PARVB: variants seen among roughly 807,000 people sequenced by gnomAD.
The protein encoded by PARVB is parvin beta, also known as beta-parvin.
In PARVB, 46 loss-of-function variants were observed where a neutral mutation model predicts 47.0. The ratio of observed to expected loss-of-function variants is 0.98; its 90% CI spans 0.77 to 1.25. The LOEUF is 1.25. PARVB is among the 50% of genes most tolerant of loss of function. The probability of loss-of-function intolerance (pLI) is 0.00; values close to 1 mark genes in which losing one functional copy is unlikely to be tolerated. For synonymous variants in PARVB, 196 were observed against 196.3 expected (o/e 1.00, Z 0.01); for missense variants, 473 against 471.6 (o/e 1.00, Z -0.03).
intron 1 of PARVB, among the ~76,000 whole-genome samples, chr22:44,082,114 T>C (rs2051915651): frequency 6.6e-6 from 1 of 152,126 alleles, no homozygotes; most frequent in Non-Finnish European, 1.5e-5. Context: ...TAGCTCTTTT[T>C]TGGGGCGGGG....
At chr22:44,106,154 T>G (rs1210202639) in intron 3 of PARVB, 3 of 148,428 alleles carry the variant, frequency 2.0e-5, no homozygotes, top group South Asian at 2.2e-4. Flanking sequence ...TTTTTTTTTT[T>G]TTTTTTTTTT....
chr22:44,168,303 G>A (rs574974344), intron 12 of PARVB: 3 of 331,382 alleles, frequency 9.1e-6, no homozygotes, highest in Admixed American at 4.5e-5. Flanking sequence ...TCCCCCAACC[G>A]GTTCTTAGAC....
intron 1 of PARVB, among the ~76,000 whole-genome samples, chr22:44,039,504 C>G (rs1480477039): frequency 1.3e-5 from 2 of 151,170 alleles, no homozygotes; most frequent in Non-Finnish European, 1.5e-5. Flanking sequence ...TATCGTGCCA[C>G]TGCACTCCAG....
At chr22:44,051,989 G>A (rs964878177) in intron 1 of PARVB, among the ~76,000 whole-genome samples, 3 of 152,142 alleles carry the variant, frequency 2.0e-5, no homozygotes, top group East Asian at 1.9e-4. Flanking sequence ...AGGCCAGGAC[G>A]GATCCTCGCC....
At chr22:43,999,475 T>C (rs1272791089) in intron 1 of PARVB, 1 of 1,560,928 alleles carries the variant, frequency 6.4e-7, no homozygotes, top group Non-Finnish European at 8.8e-7. Context: ...AGTCCAAATT[T>C]CTAGCTTCTC....
chr22:44,062,104 G>T (rs1035834216), intron 1 of PARVB, among the ~76,000 whole-genome samples: 5 of 152,190 alleles, frequency 3.3e-5, no homozygotes, highest in Non-Finnish European at 1.5e-5. Context: ...CCTTCCCTCT[G>T]CTCACATACT....
intron 1 of PARVB, among the ~76,000 whole-genome samples, chr22:44,066,923 G>A (rs2146969917): frequency 6.6e-6 from 1 of 151,114 alleles, no homozygotes; most frequent in African/African-American, 2.4e-5. Flanking sequence ...GCCCAGGCTA[G>A]AGTGCAGTGG....
chr22:44,057,763 G>A (rs116078174), intron 1 of PARVB, among the ~76,000 whole-genome samples: 9 of 152,194 alleles, frequency 5.9e-5, no homozygotes, highest in African/African-American at 2.2e-4. Flanking sequence ...GGAAGAGGAG[G>A]GAGAGGAGAG....
At position 44,069,159 on chromosome 22, in the gene PARVB, G is replaced by A. The variant is rs370885326; in HGVS notation, c.113-24769G>A. 1.8e-4 allele frequency: 293 copies of A among 1,612,122 alleles called. 1 individual carries two copies. The African/African-American group carries it at 3.5e-3, about 19-fold the overall frequency. Reference sequence around the variant, plus strand: ...AGCTGCCGCCAGCTGCACCCTCCTCGCCAGTGAGTTCTGTTGCTTTCGTAT... The same window carrying A: ...AGCTGCCGCCAGCTGCACCCTCCTCACCAGTGAGTTCTGTTGCTTTCGTAT... On this transcript the variant is annotated intron_variant, in intron 1 of 12. Transcript: ENST00000338758.
At chr22:44,118,911 C>T in intron 3 of PARVB, 127 bp from the exon 4 acceptor site, 1 of 700,580 alleles carries the variant, frequency 1.4e-6, no homozygotes, top group South Asian at 1.6e-5. Context: ...GCCTCTGTCC[C>T]TGTACTTGCT....
chr22:44,063,872 G>A (rs566950697), intron 1 of PARVB, among the ~76,000 whole-genome samples: 14 of 152,312 alleles, frequency 9.2e-5, no homozygotes, highest in Admixed American at 2.0e-4. Context: ...TTCTGGCCGA[G>A]CCGATGTGCT....
At chr22:44,003,193 T>C (rs1293063382) in intron 2 of PARVB, among the ~76,000 whole-genome samples, 4 of 152,206 alleles carry the variant, frequency 2.6e-5, no homozygotes, top group Non-Finnish European at 5.9e-5. Context: ...ATAGCCAGCC[T>C]GGATCCATCC....
Position 44,168,606 on chromosome 22 carries a change from G to A in PARVB, c.1023G>A (p.Val341=), listed in dbSNP as rs1308951335. The change falls in exon 13 of 13, where the codon GTG becomes GTA. Residue 341 remains valine (V), a synonymous_variant. Transcript: ENST00000338758. ...TTTCTCTGTTTCCTTCTGCAGACGTGGTTAACTTGGACCTCAAATCCACCC... is the reference window on the plus strand; with the variant it reads ...TTTCTCTGTTTCCTTCTGCAGACGTAGTTAACTTGGACCTCAAATCCACCC... The part of the protein sequence containing the change: ...LKKPKARPED[V]VNLDLKSTLR... 1 of 1,610,152 alleles carries A rather than the reference G, an allele frequency of 6.2e-7. No homozygotes were observed.
At chr22:44,159,203 A>C (rs1201505592) in intron 11 of PARVB, among the ~76,000 whole-genome samples, 1 of 152,214 alleles carries the variant, frequency 6.6e-6, no homozygotes, top group East Asian at 1.9e-4. Flanking sequence ...GAAGAAGCGC[A>C]TGCATTTCCA....
chr22:44,158,092 A>G lies in PARVB; in HGVS notation c.945+9A>G, dbSNP rs189694232. ...AAAGCTTCGATCAGAAGGTATGTGC[A>G]TGGTCTCCATCCTTGGTAGGGGCTC... On this transcript the variant is annotated intron_variant, in intron 11 of 12. Coordinates refer to ENST00000338758, the MANE Select transcript of PARVB (RefSeq NM_013327.5). The G allele has an allele frequency of 7.8e-5, 123 of 1,573,304 alleles. No individual in the cohort carries two copies. In the East Asian group the frequency reaches 1.9e-3, roughly 24 times the overall value.
At chr22:44,014,873 C>T (rs1019595454) in intron 2 of PARVB, among the ~76,000 whole-genome samples, 5 of 149,276 alleles carry the variant, frequency 3.3e-5, no homozygotes, top group South Asian at 2.1e-4. Flanking sequence ...TTTTTTGAGA[C>T]GGAATCTCAC....
At position 44,086,920 on chromosome 22, in the gene PARVB, C is replaced by T. The variant is rs959958867; in HGVS notation, c.113-7008C>T. ...AGATGTCTTTGGGTTCCTGCTTAAG[C>T]CCAAGCGAAGGATCCCGATGCCCCC... On this transcript the variant is annotated intron_variant, in intron 1 of 12. Transcript: ENST00000338758. The T allele has an allele frequency of 8.6e-6, 7 of 813,734 alleles. No homozygotes were observed. In the East Asian group the frequency reaches 7.5e-4, roughly 87 times the overall value. The allele number at this position is 813,734 out of a possible 1,614,324, so 50.4% of individuals were successfully genotyped here.
intron 3 of PARVB, chr22:44,106,100 G>T (rs1049759201): frequency 4.6e-5 from 7 of 151,258 alleles, no homozygotes. Flanking sequence ...AAAGAGCTGG[G>T]CTTACAGGCG....
chr22:44,151,753 C>G, intron 10 of PARVB: 2 of 553,600 alleles, frequency 3.6e-6, no homozygotes, highest in South Asian at 4.0e-5. Flanking sequence ...CAAAGCACCA[C>G]AAACCTAGTG....
Sources: allele counts gnomAD v4.1 joint callset (sites outside exome capture counted in the v4.1 genomes callset), GRCh38; gene constraint gnomAD v4.1.1; transcripts MANE v1.5; gene names NCBI Gene and HGNC (gene_info 2026-07-23, HGNC 2026-07-21).